Variants in TACR1 observed in about 807,000 individuals in gnomAD.
The protein encoded by TACR1 is substance-P receptor.
A neutral mutation model predicts 35.8 loss-of-function variants in TACR1; 25 were observed. The ratio of observed to expected loss-of-function variants is 0.70; its 90% CI spans 0.51 to 0.98. The LOEUF is 0.98. Ranked by LOEUF, TACR1 falls within the 50% of genes least tolerant of loss-of-function variation. The probability of loss-of-function intolerance (pLI) is 0.00; values close to 1 mark genes in which losing one functional copy is unlikely to be tolerated. For missense variants in TACR1, 478 were observed against 522.9 expected, an observed-to-expected ratio of 0.91 and a Z score of 0.84; for synonymous variants, 195 against 206.7, an observed-to-expected ratio of 0.94 and a Z score of 0.48.
intron 1 of TACR1, among the ~76,000 whole-genome samples, chr2:75,182,884 C>G (rs1032466118): frequency 1.6e-4 from 25 of 152,208 alleles, no homozygotes; most frequent in Admixed American, 3.3e-4. Flanking sequence ...TCTGTACTCT[C>G]ATAGCATTAA....
chr2:75,115,973 T>C (rs183689382), intron 2 of TACR1, among the ~76,000 whole-genome samples: 30 of 150,392 alleles, frequency 2.0e-4, no homozygotes, highest in Non-Finnish European at 3.8e-4. Flanking sequence ...TAAGACATAC[T>C]GAGTTTAAAA....
intron 2 of TACR1, among the ~76,000 whole-genome samples, chr2:75,058,302 C>T (rs1459463981): frequency 1.3e-5 from 2 of 152,146 alleles, no homozygotes; most frequent in Admixed American, 6.5e-5. Flanking sequence ...GGAGATATGT[C>T]TATTTATATG....
chr2:75,063,246 T>C (rs2103800921), intron 2 of TACR1, among the ~76,000 whole-genome samples: 1 of 152,348 alleles, frequency 6.6e-6, no homozygotes, highest in East Asian at 1.9e-4. Context: ...TGCTTTTTAA[T>C]CATTTTCATT....
chr2:75,113,628 C>T (rs1399759229), intron 2 of TACR1, among the ~76,000 whole-genome samples: 1 of 145,118 alleles, frequency 6.9e-6, no homozygotes, highest in Non-Finnish European at 1.5e-5. Context: ...TCTTCCCCTG[C>T]AGTGTCAATG....
chr2:75,125,625 A>G (rs1674057530), intron 1 of TACR1, among the ~76,000 whole-genome samples: 2 of 152,230 alleles, frequency 1.3e-5, no homozygotes, highest in African/African-American at 4.8e-5. Context: ...CAGTGGCTTC[A>G]TGAATGCTTG....
At chr2:75,065,341 A>G (rs983803595) in intron 2 of TACR1, among the ~76,000 whole-genome samples, 2 of 152,134 alleles carry the variant, frequency 1.3e-5, no homozygotes, top group African/African-American at 4.8e-5. Context: ...AGTTTTGCAA[A>G]TCCCCTTGGA....
intron 1 of TACR1, among the ~76,000 whole-genome samples, chr2:75,196,709 T>C (rs973674671): frequency 1.2e-4 from 19 of 152,282 alleles, no homozygotes; most frequent in African/African-American, 4.3e-4. Flanking sequence ...GCAGAACATG[T>C]TTCTGTGTAA....
At chr2:75,152,603 C>T (rs76219239) in intron 1 of TACR1, among the ~76,000 whole-genome samples, 4,330 of 152,120 alleles carry the variant, frequency 0.028, 195 homozygotes, top group African/African-American at 0.099. Context: ...ATACATGCTC[C>T]GAGGCTGAGA....
At chr2:75,110,627 ATAT>A (rs920766421) in intron 2 of TACR1, among the ~76,000 whole-genome samples, 37 of 152,056 alleles carry the variant, frequency 2.4e-4, no homozygotes, top group African/African-American at 3.9e-4. Context: ...ATGATAAATA[ATAT>A]TATGATCATA....
At chr2:75,049,787 C>A in intron 4 of TACR1, 64 bp from the exon 5 acceptor site, 1 of 1,512,022 alleles carries the variant, frequency 6.6e-7, no homozygotes, top group Non-Finnish European at 8.9e-7. Context: ...CTGCCCACCA[C>A]TGCATCAGCT....
chr2:75,094,857 A>ATTTTTTT (rs1414426554), intron 2 of TACR1, among the ~76,000 whole-genome samples: 5 of 91,130 alleles, frequency 5.5e-5, no homozygotes, highest in African/African-American at 3.1e-4. Context: ...ATATATATAT[A>ATTTTTTT]TATTTTTTTT....
intron 1 of TACR1, among the ~76,000 whole-genome samples, chr2:75,126,839 AACAG>A (rs1484535166): frequency 6.6e-6 from 1 of 152,220 alleles, no homozygotes; most frequent in African/African-American, 2.4e-5. Context: ...AAAGGACATG[AACAG>A]ACACTTTTCA....
intron 1 of TACR1, among the ~76,000 whole-genome samples, chr2:75,152,549 C>A (rs544950830): frequency 6.6e-6 from 1 of 152,278 alleles, no homozygotes; most frequent in African/African-American, 2.4e-5. Context: ...TCTTTTTCTT[C>A]CCAGTCTCAG....
At chr2:75,145,402 A>G (rs556955242) in intron 1 of TACR1, among the ~76,000 whole-genome samples, 1 of 152,316 alleles carries the variant, frequency 6.6e-6, no homozygotes, top group African/African-American at 2.4e-5. Flanking sequence ...AAGACAAGAA[A>G]AAGGAATAAG....
intron 2 of TACR1, among the ~76,000 whole-genome samples, chr2:75,115,376 C>T (rs917062984): frequency 3.3e-5 from 5 of 152,096 alleles, no homozygotes; most frequent in Non-Finnish European, 7.3e-5. Flanking sequence ...CAGGAACTCT[C>T]ACACATTGCA....
intron 2 of TACR1, among the ~76,000 whole-genome samples, chr2:75,060,661 C>A (rs1380040513): frequency 6.6e-6 from 1 of 152,138 alleles, no homozygotes; most frequent in Non-Finnish European, 1.5e-5. Context: ...TGGTGGAAAA[C>A]CATGAGGTGG....
intron 2 of TACR1, among the ~76,000 whole-genome samples, chr2:75,058,247 CT>C (rs1356379075): frequency 6.6e-6 from 1 of 152,134 alleles, no homozygotes; most frequent in Non-Finnish European, 1.5e-5. Flanking sequence ...ATCTTGATGT[CT>C]TTTTCAGAAA....
intron 2 of TACR1, among the ~76,000 whole-genome samples, chr2:75,110,942 A>G (rs944843709): frequency 2.0e-5 from 3 of 151,958 alleles, no homozygotes; most frequent in African/African-American, 7.2e-5. Context: ...CCTCACTGAT[A>G]CTTAACATTT....
At chr2:75,116,127 C>T (rs1426193104) in intron 2 of TACR1, among the ~76,000 whole-genome samples, 1 of 151,920 alleles carries the variant, frequency 6.6e-6, no homozygotes, top group Non-Finnish European at 1.5e-5. Flanking sequence ...TTCTTTGAGA[C>T]AGGATTTCAC....
Sources: gnomAD v4.1 joint callset for allele counts (sites outside exome capture counted in the v4.1 genomes callset) on GRCh38, gnomAD v4.1.1 for gene constraint, MANE v1.5 for transcripts, NCBI Gene and HGNC (gene_info 2026-07-23, HGNC 2026-07-21) for gene names.